The following KCNN2 variants were observed in gnomAD, a reference collection of about 807,000 sequenced individuals.
The protein encoded by KCNN2 is potassium calcium-activated channel subfamily N member 2.
Under a neutral mutation model 55.5 loss-of-function variants are expected in KCNN2, and 24 were observed. The observed-to-expected ratio is 0.43, with a 90% CI of 0.31 to 0.61. The LOEUF is 0.61. KCNN2 is among the 20% of genes least tolerant of loss of function. The pLI, the probability that KCNN2 is intolerant of heterozygous loss-of-function variation, is 0.08. For synonymous variants in KCNN2, 431 were observed against 336.1 expected (o/e 1.28, Z -3.09); for missense variants, 754 against 853.6 (o/e 0.88, Z 1.45).
intron 2 of KCNN2, among the ~76,000 whole-genome samples, chr5:114,254,101 A>C (rs888856879): frequency 1.3e-5 from 2 of 152,332 alleles, no homozygotes; most frequent in Non-Finnish European, 2.9e-5. Flanking sequence ...CTGACAAAAA[A>C]CATTTTGATC....
chr5:114,233,587 C>T (rs947990121), intron 2 of KCNN2, among the ~76,000 whole-genome samples: 3 of 151,982 alleles, frequency 2.0e-5, no homozygotes, highest in Non-Finnish European at 4.4e-5. Flanking sequence ...TGTGGGAAAC[C>T]GCTTTCTTTT....
intron 2 of KCNN2, among the ~76,000 whole-genome samples, chr5:114,322,576 TACACACACACAC>T (rs113249707): frequency 1.3e-5 from 2 of 148,610 alleles, no homozygotes; most frequent in African/African-American, 2.5e-5. Flanking sequence ...CACTCCCCCA[TACACACACACAC>T]ACACACACAC....
chr5:114,136,945 A>G (rs1752185560), intron 1 of KCNN2, among the ~76,000 whole-genome samples: 1 of 152,194 alleles, frequency 6.6e-6, no homozygotes, highest in South Asian at 2.1e-4. Context: ...ACACAGCTAA[A>G]AAGCATAACA....
intron 2 of KCNN2, among the ~76,000 whole-genome samples, chr5:114,250,793 C>T (rs1485238846): frequency 6.6e-6 from 1 of 152,162 alleles, no homozygotes; most frequent in Non-Finnish European, 1.5e-5. Flanking sequence ...TCTCTACTGC[C>T]TGATTCTGAG....
intron 3 of KCNN2, among the ~76,000 whole-genome samples, chr5:114,415,293 C>G (rs1262188206): frequency 6.6e-6 from 1 of 152,196 alleles, no homozygotes; most frequent in African/African-American, 2.4e-5. Context: ...GCACACAATT[C>G]TCTGGATGAA....
chr5:114,059,703 T>G (rs1333027952), intron 1 of KCNN2, among the ~76,000 whole-genome samples: 1 of 152,142 alleles, frequency 6.6e-6, no homozygotes, highest in South Asian at 2.1e-4. Context: ...GTGCGAGCCC[T>G]TTACGAGACC....
chr5:114,476,664 G>A (rs559572075), intron 5 of KCNN2, among the ~76,000 whole-genome samples: 25 of 152,006 alleles, frequency 1.6e-4, no homozygotes, highest in African/African-American at 5.5e-4. Context: ...CAGGTGATCC[G>A]CCTGCCTTAG....
intron 1 of KCNN2, among the ~76,000 whole-genome samples, chr5:114,079,699 G>C (rs1275589142): frequency 6.6e-6 from 1 of 152,094 alleles, no homozygotes; most frequent in African/African-American, 2.4e-5. Context: ...CACATAGTAG[G>C]CACTTAGTAA....
At chr5:114,466,140 C>G (rs1480410947) in intron 4 of KCNN2, among the ~76,000 whole-genome samples, 2 of 151,818 alleles carry the variant, frequency 1.3e-5, no homozygotes, top group African/African-American at 4.9e-5. Flanking sequence ...ATGAGATTGC[C>G]TAATAGAAGA....
At chr5:114,338,268 T>C (rs1421401839) in intron 2 of KCNN2, among the ~76,000 whole-genome samples, 3 of 152,202 alleles carry the variant, frequency 2.0e-5, no homozygotes, top group Non-Finnish European at 4.4e-5. Context: ...CTTGAATTAG[T>C]AATAAGCACA....
chr5:114,130,439 C>A (rs987067235), intron 1 of KCNN2, among the ~76,000 whole-genome samples: 2 of 152,160 alleles, frequency 1.3e-5, no homozygotes, highest in African/African-American at 4.8e-5. Flanking sequence ...TGGATCTTTC[C>A]GTTGGAATTA....
chr5:114,459,902 A>G (rs988529467), intron 3 of KCNN2, among the ~76,000 whole-genome samples: 1 of 152,198 alleles, frequency 6.6e-6, no homozygotes, highest in Non-Finnish European at 1.5e-5. Flanking sequence ...TATTTGGCAA[A>G]TAAGGATGGA....
chr5:114,447,376 C>T (rs573868692), intron 3 of KCNN2, among the ~76,000 whole-genome samples: 20 of 152,282 alleles, frequency 1.3e-4, no homozygotes, highest in African/African-American at 4.3e-4. Context: ...GTTTGACTGT[C>T]ATCAGCCTAA....
chr5:114,162,571 TTTTG>T (rs1218356548), intron 1 of KCNN2, among the ~76,000 whole-genome samples: 1 of 152,142 alleles, frequency 6.6e-6, no homozygotes, highest in East Asian at 1.9e-4. Flanking sequence ...TATTGCTGCC[TTTTG>T]TTTGTCTGTG....
chr5:114,280,215 G>A (rs77917223), intron 2 of KCNN2, among the ~76,000 whole-genome samples: 15,253 of 152,024 alleles, frequency 0.1, 974 homozygotes, highest in Middle Eastern at 0.21. Context: ...TTGTCAGATG[G>A]GTAGATTGTA....
chr5:114,266,229 T>TTCAG (rs1239242151), intron 2 of KCNN2, among the ~76,000 whole-genome samples: 4 of 152,272 alleles, frequency 2.6e-5, no homozygotes, highest in Admixed American at 1.3e-4. Flanking sequence ...CACATTTCAG[T>TTCAG]TCAGTCCAGC....
intron 2 of KCNN2, among the ~76,000 whole-genome samples, chr5:114,386,882 G>A (rs980871825): frequency 1.1e-4 from 17 of 152,214 alleles, no homozygotes; most frequent in South Asian, 1.0e-3. Context: ...GATGGAGAAC[G>A]CTCCTTAAGA....
chr5:114,056,208 C>G (rs980478617), exon 1 of KCNN2: 2 of 394,892 alleles, frequency 5.1e-6, no homozygotes, highest in African/African-American at 2.1e-5. Context: ...GGCTCGCCCG[C>G]GCCCGCGCCC....
chr5:114,489,075 T>G (rs973922236), intron 6 of KCNN2: 4 of 152,126 alleles, frequency 2.6e-5, no homozygotes, highest in Non-Finnish European at 4.4e-5. Flanking sequence ...TAATCAATTT[T>G]CATATAATAA....
Sources: allele counts gnomAD v4.1 joint callset (sites outside exome capture counted in the v4.1 genomes callset), GRCh38; gene constraint gnomAD v4.1.1; transcripts MANE v1.5; gene names NCBI Gene and HGNC (gene_info 2026-07-23, HGNC 2026-07-21).